Variants in GAP43 observed in about 807,000 individuals in gnomAD.
GAP43 encodes the protein neuromodulin.
GAP43 carries 6 observed loss-of-function variants against 18.6 expected under a neutral mutation model. The ratio of observed to expected loss-of-function variants is 0.32; its 90% CI spans 0.18 to 0.64. The LOEUF is 0.64. Among genes scored for constraint, GAP43 ranks in the 30% least tolerant of loss-of-function variants. The pLI, the probability that GAP43 is intolerant of heterozygous loss-of-function variation, is 0.78. For missense variants in GAP43, 292 were observed against 295.5 expected, an observed-to-expected ratio of 0.99 and a Z score of 0.09; for synonymous variants, 115 against 111.4, an observed-to-expected ratio of 1.03 and a Z score of -0.20.
chr3:115,628,330 G>C (rs990858319), intron 1 of GAP43, among the ~76,000 whole-genome samples: 2 of 151,808 alleles, frequency 1.3e-5, no homozygotes, highest in Non-Finnish European at 2.9e-5. Context: ...TATAGTTTAT[G>C]AATATGCTTT....
chr3:115,639,625 C>G (rs1442107348), intron 1 of GAP43, among the ~76,000 whole-genome samples: 1 of 152,032 alleles, frequency 6.6e-6, no homozygotes, highest in Non-Finnish European at 1.5e-5. Context: ...TTTCTTGTCC[C>G]CCTTTATTAT....
chr3:115,626,742 A>T (rs1330044574), intron 1 of GAP43, among the ~76,000 whole-genome samples: 1 of 152,184 alleles, frequency 6.6e-6, no homozygotes, highest in Non-Finnish European at 1.5e-5. Context: ...CATGCAAGCA[A>T]GTAGTCCCTC....
intron 2 of GAP43, among the ~76,000 whole-genome samples, chr3:115,705,822 A>G (rs1709356457): frequency 6.6e-6 from 1 of 152,202 alleles, no homozygotes; most frequent in Admixed American, 6.6e-5. Flanking sequence ...TACACGAGGT[A>G]TAATTTTTTG....
chr3:115,643,341 C>T (rs1447110584), intron 1 of GAP43, among the ~76,000 whole-genome samples: 1 of 152,012 alleles, frequency 6.6e-6, no homozygotes, highest in Non-Finnish European at 1.5e-5. Context: ...ACTGTGTTTC[C>T]TGGGTCCACT....
At chr3:115,652,263 T>C (rs1252011788) in intron 1 of GAP43, among the ~76,000 whole-genome samples, 1 of 151,742 alleles carries the variant, frequency 6.6e-6, no homozygotes, top group Non-Finnish European at 1.5e-5. Context: ...TCATTTGTTG[T>C]TACCATATTT....
intron 1 of GAP43, among the ~76,000 whole-genome samples, chr3:115,666,683 G>A (rs1450596113): frequency 6.6e-6 from 1 of 152,090 alleles, no homozygotes; most frequent in Non-Finnish European, 1.5e-5. Flanking sequence ...ACTTGCCCAA[G>A]GTCAGGATCT....
Position 115,651,054 on chromosome 3 carries a change from T to G in GAP43, c.31-24959T>G, listed in dbSNP as rs1388755129. Among the ~76,000 whole-genome samples the G allele has an allele frequency of 2.0e-5, 3 of 152,078 alleles. No homozygotes were observed. The East Asian group carries it at 5.8e-4, about 29-fold the overall frequency. On this transcript the variant is annotated intron_variant, in intron 1 of 2. Transcript: ENST00000305124. The stretch of plus-strand genomic sequence containing the variant: ...GGCTGAGGTGGGAGGATTGTTTAAA[T>G]CCAGGAGATGGAGGCCACAGTGAGC...
At chr3:115,676,685 G>A in intron 2 of GAP43, 75 bp downstream of exon 2, 1 of 1,372,754 alleles carries the variant, frequency 7.3e-7, no homozygotes. Flanking sequence ...AGGCCACCTG[G>A]GTCATTGAGG....
At chr3:115,671,297 T>C (rs1440078877) in intron 1 of GAP43, among the ~76,000 whole-genome samples, 2 of 152,244 alleles carry the variant, frequency 1.3e-5, no homozygotes, top group Non-Finnish European at 2.9e-5. Context: ...AAGTAATTAC[T>C]TCTTATTTCT....
chr3:115,624,882 A>T (rs1294625730), intron 1 of GAP43, among the ~76,000 whole-genome samples: 2 of 122,106 alleles, frequency 1.6e-5, no homozygotes, highest in Non-Finnish European at 3.2e-5. Context: ...GTGTGTGCGT[A>T]TGCTTGACTG....
chr3:115,704,598 T>C (rs562896888), intron 2 of GAP43, among the ~76,000 whole-genome samples: 7 of 152,182 alleles, frequency 4.6e-5, no homozygotes, highest in South Asian at 2.1e-4. Context: ...AGCAAAATTA[T>C]ATTGAATTAC....
intron 1 of GAP43, chr3:115,663,477 T>A: frequency 9.0e-7 from 1 of 1,115,604 alleles, no homozygotes; most frequent in South Asian, 3.1e-5. Flanking sequence ...CTTCTCCCAG[T>A]ATTGCTTTCC....
rs375678084 is a variant in GAP43 at position 115,701,227 on chromosome 3, G to A, written c.629-19567G>A. On this transcript the variant is annotated intron_variant, in intron 2 of 2. Coordinates refer to ENST00000305124, the MANE Select transcript of GAP43 (RefSeq NM_002045.4). ...GATATGTTAAGATATGACTCTATTC[G>A]TTCTGATATTAGTATCTTCTCTGCC... 4.9e-4 allele frequency among the ~76,000 whole-genome samples: 74 copies of A among 152,124 alleles called. 1 individual carries two copies. The East Asian group carries it at 8.9e-3, about 18-fold the overall frequency.
At chr3:115,629,766 T>A (rs1407088623) in intron 1 of GAP43, among the ~76,000 whole-genome samples, 1 of 152,226 alleles carries the variant, frequency 6.6e-6, no homozygotes, top group East Asian at 1.9e-4. Flanking sequence ...ATGTTAACCA[T>A]GAATAATCTG....
intron 2 of GAP43, among the ~76,000 whole-genome samples, chr3:115,680,114 T>C (rs1223019523): frequency 6.6e-6 from 1 of 152,162 alleles, no homozygotes; most frequent in Non-Finnish European, 1.5e-5. Context: ...TTCCCTTCCC[T>C]TTATATTAAC....
intron 2 of GAP43, among the ~76,000 whole-genome samples, chr3:115,687,579 T>C (rs910973208): frequency 2.0e-5 from 3 of 152,196 alleles, no homozygotes; most frequent in African/African-American, 7.2e-5. Flanking sequence ...TGAGTTGTGT[T>C]GCTGGAGCCT....
At chr3:115,630,747 C>G (rs965456336) in intron 1 of GAP43, among the ~76,000 whole-genome samples, 3 of 152,116 alleles carry the variant, frequency 2.0e-5, no homozygotes, top group Non-Finnish European at 2.9e-5. Flanking sequence ...CTGTCAGACC[C>G]AGGTAGAGTT....
intron 1 of GAP43, among the ~76,000 whole-genome samples, chr3:115,650,689 C>T (rs1234083139): frequency 6.6e-6 from 1 of 152,128 alleles, no homozygotes; most frequent in Non-Finnish European, 1.5e-5. Context: ...TTCTTGCTAA[C>T]CTAATCATCT....
chr3:115,661,427 ACTTGG>A (rs1708657618), intron 1 of GAP43: 1 of 152,218 alleles, frequency 6.6e-6, no homozygotes, highest in African/African-American at 2.4e-5. Flanking sequence ...GGGTGGTTTG[ACTTGG>A]CTTTGCTTTG....
Sources: gnomAD v4.1 joint callset for allele counts (sites outside exome capture counted in the v4.1 genomes callset) on GRCh38, gnomAD v4.1.1 for gene constraint, MANE v1.5 for transcripts, NCBI Gene and HGNC (gene_info 2026-07-23, HGNC 2026-07-21) for gene names.